The following GLDC variants were observed in gnomAD, a reference collection of about 807,000 sequenced individuals.
GLDC encodes the protein glycine decarboxylase.
GLDC carries 104 observed loss-of-function variants against 121.3 expected under a neutral mutation model. The observed-to-expected ratio is 0.86, with a 90% CI of 0.73 to 1.01. The LOEUF (loss-of-function observed/expected upper bound fraction) is 1.01, where lower values mean the gene tolerates loss of function less well. Ranked by LOEUF, GLDC falls within the 50% of genes least tolerant of loss-of-function variation. The probability of loss-of-function intolerance (pLI) is 0.00; values close to 1 mark genes in which losing one functional copy is unlikely to be tolerated. For synonymous variants in GLDC, 546 were observed against 480.6 expected (o/e 1.14, Z -1.78); for missense variants, 1,429 against 1,306.6 (o/e 1.09, Z -1.44).
intron 15 of GLDC, among the ~76,000 whole-genome samples, chr9:6,570,887 T>C (rs1023132386): frequency 6.7e-6 from 1 of 149,894 alleles, no homozygotes; most frequent in African/African-American, 2.5e-5. Context: ...TCTCGGGGTA[T>C]GTTTTTAAAA....
chr9:6,534,885 G>A (rs1817089250), intron 23 of GLDC, 97 bp from the exon 24 acceptor site: 3 of 730,172 alleles, frequency 4.1e-6, no homozygotes, highest in Non-Finnish European at 7.6e-6. Flanking sequence ...CAGGAGCCCA[G>A]GCAGAGAAAG....
At chr9:6,596,467 T>A (rs943159697) in intron 8 of GLDC, among the ~76,000 whole-genome samples, 1 of 152,148 alleles carries the variant, frequency 6.6e-6, no homozygotes, top group African/African-American at 2.4e-5. Context: ...AGGGCTTGAA[T>A]CAGTGGCTCA....
chr9:6,547,484 C>A (rs1817419623), intron 21 of GLDC, among the ~76,000 whole-genome samples: 3 of 152,030 alleles, frequency 2.0e-5, no homozygotes, highest in African/African-American at 7.3e-5. Flanking sequence ...CTCACTAGGC[C>A]CCTGTGTGAT....
intron 16 of GLDC, among the ~76,000 whole-genome samples, chr9:6,564,001 T>C (rs922352479): frequency 1.3e-5 from 2 of 151,712 alleles, no homozygotes; most frequent in African/African-American, 4.8e-5. Context: ...ATCCCAGCAC[T>C]TTGAGAGGTC....
chr9:6,633,326 C>G (rs180958446), intron 2 of GLDC, among the ~76,000 whole-genome samples: 1 of 152,272 alleles, frequency 6.6e-6, no homozygotes, highest in East Asian at 1.9e-4. Flanking sequence ...TCCCCACACT[C>G]CATCCCTGGG....
intron 15 of GLDC, among the ~76,000 whole-genome samples, chr9:6,585,860 G>C (rs5001003): frequency 0.33 from 38,615 of 115,792 alleles, 5,092 homozygotes; most frequent in Middle Eastern, 0.39. Context: ...ATGTATGTAT[G>C]TATGTATGTA....
At chr9:6,613,445 G>A (rs995588226) in intron 3 of GLDC, among the ~76,000 whole-genome samples, 62 of 152,138 alleles carry the variant, frequency 4.1e-4, no homozygotes, top group Admixed American at 3.9e-3. Context: ...GGGCAACATA[G>A]CGAGACTCTG....
At chr9:6,535,812 A>C (rs1298010566) in intron 23 of GLDC, 1 of 523,928 alleles carries the variant, frequency 1.9e-6, no homozygotes, top group Non-Finnish European at 3.5e-6. Flanking sequence ...TCAAACAGAG[A>C]TGCAGAATGT....
intron 8 of GLDC, among the ~76,000 whole-genome samples, chr9:6,599,358 C>T (rs914706012): frequency 5.3e-5 from 8 of 151,902 alleles, no homozygotes; most frequent in Admixed American, 3.3e-4. Flanking sequence ...TCAGCTGCAC[C>T]GAAAGGGAAA....
At position 6,554,893 on chromosome 9, in the gene GLDC, G is replaced by A. The variant is rs572157378; in HGVS notation, c.2203-112C>T. ...TCTCCCCTCAGAGGAAAAGCAGGCA[G>A]AGCCACATCCATGGTGTTCACAGAA... is the stretch of plus-strand genomic sequence containing the variant. On this transcript the variant is annotated intron_variant, in intron 18 of 24. Transcript: ENST00000321612. 5.2e-6 allele frequency: 4 copies of A among 775,568 alleles called. No individual in the cohort carries two copies. The South Asian group carries it at 5.8e-5, about 11-fold the overall frequency. The allele number at this position is 775,568 out of a possible 1,614,324, so 48.0% of individuals were successfully genotyped here.
intron 19 of GLDC, among the ~76,000 whole-genome samples, chr9:6,554,128 G>A (rs1042733258): frequency 3.9e-5 from 6 of 152,166 alleles, no homozygotes; most frequent in Admixed American, 3.3e-4. Flanking sequence ...TTCCCAAGAT[G>A]ATTTGATTTC....
rs562000292 is a variant in GLDC at position 6,644,690 on chromosome 9, G to A, written c.258C>T (p.Ser86=). 152 of 1,609,512 alleles carry A rather than the reference G, an allele frequency of 9.4e-5. No homozygotes were observed. The East Asian group carries it at 1.7e-3, about 18-fold the overall frequency. Residue 86 remains serine, a splice_region_variant and synonymous_variant, in exon 2 of 25, where the codon AGC becomes AGT. Coordinates refer to ENST00000321612, the MANE Select transcript of GLDC (RefSeq NM_000170.3). ...REMLQTLGLA[S]IDELIEKTVP... ...CCGTCTTCTCGATCAATTCATCAAT[G>A]CTCTAAAATTAAAACGCAAGGCAGA...
chr9:6,594,771 G>GA (rs1343150431), intron 9 of GLDC, among the ~76,000 whole-genome samples: 1 of 142,302 alleles, frequency 7.0e-6, no homozygotes, highest in African/African-American at 2.6e-5. Flanking sequence ...AAGCAAGCAA[G>GA]AAAAAAAGAA....
intron 19 of GLDC, 38 bp from the exon 20 acceptor site, chr9:6,553,547 C>T (rs371570458): frequency 1.4e-5 from 22 of 1,606,620 alleles, no homozygotes; most frequent in Middle Eastern, 1.7e-4. Flanking sequence ...AAAATGTAAA[C>T]GATTCAGTTT....
At chr9:6,554,571 T>C (rs1221151305) in intron 19 of GLDC, 98 bp downstream of exon 19, 1 of 874,048 alleles carries the variant, frequency 1.1e-6, no homozygotes, top group Admixed American at 2.0e-5. Flanking sequence ...GAGGGTATCC[T>C]CAACACATGA....
intron 16 of GLDC, among the ~76,000 whole-genome samples, chr9:6,563,591 C>G (rs1028391436): frequency 1.3e-5 from 2 of 152,204 alleles, no homozygotes; most frequent in African/African-American, 4.8e-5. Flanking sequence ...CCTGGAGCTC[C>G]AAAGTTTCCT....
At chr9:6,545,166 G>C (rs1017896993) in intron 21 of GLDC, among the ~76,000 whole-genome samples, 1 of 152,030 alleles carries the variant, frequency 6.6e-6, no homozygotes, top group Non-Finnish European at 1.5e-5. Context: ...CATTCTAGCA[G>C]AATACAGTCA....
chr9:6,620,411 A>G (rs1287466104), intron 2 of GLDC, 92 bp from the exon 3 acceptor site: 1 of 1,077,072 alleles, frequency 9.3e-7, no homozygotes, highest in African/African-American at 1.5e-5. Context: ...TTGAGTATTT[A>G]TGACAGAATA....
At chr9:6,558,511 GC>G (rs780965852) in intron 17 of GLDC, 47 bp downstream of exon 17, 1 of 1,606,218 alleles carries the variant, frequency 6.2e-7, no homozygotes, top group African/African-American at 1.3e-5. Flanking sequence ...ATCCCCACCA[GC>G]ACTCCCCATC....
Sources: gnomAD v4.1 joint callset for allele counts (sites outside exome capture counted in the v4.1 genomes callset) on GRCh38, gnomAD v4.1.1 for gene constraint, MANE v1.5 for transcripts, NCBI Gene and HGNC (gene_info 2026-07-23, HGNC 2026-07-21) for gene names.